The following HS6ST3 variants were observed in gnomAD, a reference collection of about 807,000 sequenced individuals.
HS6ST3 encodes the protein heparan-sulfate 6-O-sulfotransferase 3.
Under a neutral mutation model 36.7 loss-of-function variants are expected in HS6ST3, and 12 were observed. The observed-to-expected ratio is 0.33, with a 90% CI of 0.21 to 0.53. The LOEUF is 0.53. Among genes scored for constraint, HS6ST3 ranks in the 20% least tolerant of loss-of-function variants. The pLI is 0.95. For synonymous variants in HS6ST3, 240 were observed against 257.5 expected, an observed-to-expected ratio of 0.93 and a Z score of 0.65; for missense variants, 584 against 640.9, an observed-to-expected ratio of 0.91 and a Z score of 0.96.
chr13:96,317,843 T>A (rs1467947680), intron 1 of HS6ST3, among the ~76,000 whole-genome samples: 4 of 152,126 alleles, frequency 2.6e-5, no homozygotes, highest in Admixed American at 6.5e-5. Flanking sequence ...ATATGTTTGT[T>A]AGCCACTCAT....
At chr13:96,585,195 T>G (rs570649036) in intron 1 of HS6ST3, among the ~76,000 whole-genome samples, 2 of 152,320 alleles carry the variant, frequency 1.3e-5, no homozygotes, top group South Asian at 4.1e-4. Context: ...CATAAATTTC[T>G]GGACTATACT....
At chr13:96,780,374 G>T (rs1475550159) in intron 1 of HS6ST3, among the ~76,000 whole-genome samples, 1 of 152,114 alleles carries the variant, frequency 6.6e-6, no homozygotes, top group Non-Finnish European at 1.5e-5. Flanking sequence ...TAAATAGGAG[G>T]CAAGGAGCTG....
chr13:96,679,882 C>T (rs1213979027), intron 1 of HS6ST3, among the ~76,000 whole-genome samples: 1 of 152,104 alleles, frequency 6.6e-6, no homozygotes, highest in Non-Finnish European at 1.5e-5. Context: ...TGGCCCCGGT[C>T]TTAAGAGCAT....
chr13:96,716,997 G>A (rs1394225477), intron 1 of HS6ST3, among the ~76,000 whole-genome samples: 1 of 152,120 alleles, frequency 6.6e-6, no homozygotes, highest in South Asian at 2.1e-4. Flanking sequence ...CTGACAATCG[G>A]GTCCATTAGC....
At chr13:96,627,077 A>G (rs2056515658) in intron 1 of HS6ST3, among the ~76,000 whole-genome samples, 1 of 152,096 alleles carries the variant, frequency 6.6e-6, no homozygotes, top group Admixed American at 6.5e-5. Context: ...AATGTTTTTA[A>G]AAGAAAAAGT....
chr13:96,450,975 A>G (rs1466143348), intron 1 of HS6ST3, among the ~76,000 whole-genome samples: 1 of 152,192 alleles, frequency 6.6e-6, no homozygotes, highest in Non-Finnish European at 1.5e-5. Flanking sequence ...TTGCCGTGTC[A>G]AAAGACCAAC....
intron 1 of HS6ST3, chr13:96,574,447 A>G: frequency 2.1e-6 from 1 of 482,990 alleles, no homozygotes; most frequent in South Asian, 2.1e-5. Flanking sequence ...TTGCTTATTG[A>G]CAGCACTGTT....
chr13:96,436,289 C>A lies in HS6ST3; in HGVS notation c.707+344720C>A, dbSNP rs1388259793. Among the ~76,000 whole-genome samples the A allele has an allele frequency of 2.6e-5, 4 of 152,292 alleles. No individual in the cohort carries two copies. The East Asian group carries it at 7.7e-4, about 29-fold the overall frequency. On this transcript the variant is annotated intron_variant, in intron 1 of 1. Transcript: ENST00000376705. ...CTAAATTTGTAACTCCCCAGTCTTG[C>A]AAAATTTTGGAGTTTAACTATTTAC...
In HS6ST3 at chr13:96,675,354, A is replaced by G. The variant is rs569194337; in HGVS notation, c.708-157136A>G. Among the ~76,000 whole-genome samples the G allele has an allele frequency of 7.9e-5, 12 of 152,242 alleles. No homozygotes were observed. The East Asian group carries it at 2.1e-3, about 27-fold the overall frequency. ...TGAACATATATGTATGCATGTATATATGTTACATTTAAATATATATTTATG... is the reference window on the plus strand; with the variant it reads ...TGAACATATATGTATGCATGTATATGTGTTACATTTAAATATATATTTATG... On this transcript the variant is annotated intron_variant, in intron 1 of 1. Coordinates refer to ENST00000376705, the MANE Select transcript of HS6ST3 (RefSeq NM_153456.4).
rs571073325 is a variant in HS6ST3 at position 96,398,536 on chromosome 13, C to T, written c.707+306967C>T. Among the ~76,000 whole-genome samples, 7 of 152,332 alleles carry T rather than the reference C, an allele frequency of 4.6e-5. No homozygotes were observed. The East Asian group carries it at 1.4e-3, about 29-fold the overall frequency. ...CAAGTGACTCCACCCACCTTGGCCT[C>T]CCAAAGTGCTGGGATTACAGGAGTG... On this transcript the variant is annotated intron_variant, in intron 1 of 1. Transcript: ENST00000376705.
At chr13:96,338,669 T>C (rs2055114357) in intron 1 of HS6ST3, among the ~76,000 whole-genome samples, 1 of 152,184 alleles carries the variant, frequency 6.6e-6, no homozygotes, top group Non-Finnish European at 1.5e-5. Flanking sequence ...CAGGACTTCC[T>C]CCTGCCAGCT....
chr13:96,816,044 C>T (rs1299553277), intron 1 of HS6ST3, among the ~76,000 whole-genome samples: 2 of 152,124 alleles, frequency 1.3e-5, no homozygotes, highest in Non-Finnish European at 2.9e-5. Flanking sequence ...AAATTTAAAT[C>T]CCCAGATCGT....
At chr13:96,209,505 A>T (rs2054388045) in intron 1 of HS6ST3, among the ~76,000 whole-genome samples, 1 of 152,212 alleles carries the variant, frequency 6.6e-6, no homozygotes, top group African/African-American at 2.4e-5. Flanking sequence ...TCATGAGAAT[A>T]GGTGGATGTA....
chr13:96,470,271 A>G (rs536000015), intron 1 of HS6ST3, among the ~76,000 whole-genome samples: 140 of 152,328 alleles, frequency 9.2e-4, no homozygotes, highest in Non-Finnish European at 1.5e-3. Flanking sequence ...TAAGTTAGGA[A>G]CAGTAATTAG....
chr13:96,328,771 T>G (rs1378260099), intron 1 of HS6ST3, among the ~76,000 whole-genome samples: 3 of 152,230 alleles, frequency 2.0e-5, no homozygotes, highest in Non-Finnish European at 4.4e-5. Flanking sequence ...CGTTCCTCCT[T>G]GTACCTCTGG....
At chr13:96,223,653 T>TGG (rs5805956) in intron 1 of HS6ST3, among the ~76,000 whole-genome samples, 16 of 147,842 alleles carry the variant, frequency 1.1e-4, no homozygotes, top group South Asian at 2.2e-4. Context: ...GGAATGGATA[T>TGG]GGGGGGGGGG....
At chr13:96,231,305 C>T (rs1211669949) in intron 1 of HS6ST3, among the ~76,000 whole-genome samples, 1 of 152,156 alleles carries the variant, frequency 6.6e-6, no homozygotes, top group Non-Finnish European at 1.5e-5. Flanking sequence ...CCAAGTGATG[C>T]TGATACTATA....
intron 1 of HS6ST3, among the ~76,000 whole-genome samples, chr13:96,155,987 AG>A (rs770207595): frequency 6.6e-5 from 10 of 152,148 alleles, no homozygotes; most frequent in Non-Finnish European, 1.2e-4. Context: ...CTCTCCCTTT[AG>A]CTTCAAGGAA....
At chr13:96,099,365 A>G (rs144268883) in intron 1 of HS6ST3, among the ~76,000 whole-genome samples, 14 of 152,374 alleles carry the variant, frequency 9.2e-5, no homozygotes, top group African/African-American at 3.4e-4. Flanking sequence ...GCAAAAGAGA[A>G]GCCGTAAATG....
Sources: allele counts gnomAD v4.1 joint callset (sites outside exome capture counted in the v4.1 genomes callset), GRCh38; gene constraint gnomAD v4.1.1; transcripts MANE v1.5; gene names NCBI Gene and HGNC (gene_info 2026-07-23, HGNC 2026-07-21).